The following GRM5 variants were observed in gnomAD, a reference collection of about 807,000 sequenced individuals.
GRM5 encodes the protein metabotropic glutamate receptor 5.
Under a neutral mutation model 83.1 loss-of-function variants are expected in GRM5, and 19 were observed. The ratio of observed to expected loss-of-function variants is 0.23; its 90% CI spans 0.16 to 0.34. The LOEUF is 0.34. GRM5 is among the 10% of genes least tolerant of loss of function. The probability of loss-of-function intolerance (pLI) is 1.00; values close to 1 mark genes in which losing one functional copy is unlikely to be tolerated. For missense variants in GRM5, 1,160 were observed against 1,588.3 expected (o/e 0.73, Z 4.58); for synonymous variants, 675 against 633.6 (o/e 1.07, Z -0.98).
intron 3 of GRM5, among the ~76,000 whole-genome samples, chr11:88,843,368 G>A (rs781513520): frequency 1.3e-5 from 2 of 151,192 alleles, no homozygotes; most frequent in African/African-American, 2.4e-5. Context: ...ATCAAATCAG[G>A]GTAATAAACG....
At chr11:88,648,959 AG>A (rs1454078900) in intron 4 of GRM5, among the ~76,000 whole-genome samples, 1,281 of 150,500 alleles carry the variant, frequency 8.5e-3, no homozygotes, top group African/African-American at 0.029. Flanking sequence ...TTTATTCTAC[AG>A]GCTTAAGGAG....
intron 3 of GRM5, among the ~76,000 whole-genome samples, chr11:88,711,738 A>G (rs1941285278): frequency 6.6e-6 from 1 of 152,114 alleles, no homozygotes; most frequent in African/African-American, 2.4e-5. Context: ...AGTAGGCACT[A>G]CAAAAATGCT....
intron 2 of GRM5, among the ~76,000 whole-genome samples, chr11:88,877,829 G>GAAA (rs60787581): frequency 0.28 from 38,118 of 136,648 alleles, 5,738 homozygotes; most frequent in Non-Finnish European, 0.33. Flanking sequence ...CTCTGTGGAA[G>GAAA]AAAAAAAAAA....
intron 3 of GRM5, among the ~76,000 whole-genome samples, chr11:88,715,309 T>C (rs1190396761): frequency 6.6e-6 from 1 of 152,012 alleles, no homozygotes; most frequent in African/African-American, 2.4e-5. Context: ...AGAGAGACTT[T>C]GGGCTAAGGC....
At chr11:88,703,598 G>A (rs1237952196) in intron 3 of GRM5, among the ~76,000 whole-genome samples, 1 of 152,054 alleles carries the variant, frequency 6.6e-6, no homozygotes, top group African/African-American at 2.4e-5. Flanking sequence ...CATGTCATGA[G>A]AGGGACCCGG....
At chr11:88,841,371 C>G (rs1032282201) in intron 3 of GRM5, among the ~76,000 whole-genome samples, 4 of 152,162 alleles carry the variant, frequency 2.6e-5, no homozygotes, top group African/African-American at 9.7e-5. Context: ...TTTGCTAACA[C>G]TAAATTCTCC....
intron 3 of GRM5, among the ~76,000 whole-genome samples, chr11:88,806,733 A>C (rs1270632243): frequency 6.6e-6 from 1 of 152,170 alleles, no homozygotes; most frequent in Non-Finnish European, 1.5e-5. Context: ...TCATCCTGGG[A>C]ATCATGTGGG....
rs553898597 is a variant in GRM5, at chr11:89,056,174, A to T, written c.-200-8102T>A. On this transcript the variant is annotated intron_variant, in intron 1 of 9. Coordinates refer to ENST00000305447, the MANE Select transcript of GRM5 (RefSeq NM_001143831.3). ...ATCTTTGTAGCACAATTATTTAAAG[A>T]TGATATTTCTGGCATAAATGTTTCT... Among the ~76,000 whole-genome samples, 42 of 152,030 alleles carry T rather than the reference A, an allele frequency of 2.8e-4. 1 individual carries two copies. In the South Asian group the frequency reaches 4.8e-3, roughly 17 times the overall value.
At chr11:88,870,141 G>A (rs1311381180) in intron 2 of GRM5, among the ~76,000 whole-genome samples, 1 of 151,412 alleles carries the variant, frequency 6.6e-6, no homozygotes, top group Non-Finnish European at 1.5e-5. Flanking sequence ...AGGGAGTGGA[G>A]TGACAGATAT....
intron 3 of GRM5, among the ~76,000 whole-genome samples, chr11:88,831,060 T>C (rs12292513): frequency 0.025 from 3,866 of 151,974 alleles, 172 homozygotes; most frequent in African/African-American, 0.089. Context: ...AGATGAGTTC[T>C]GAGTGGGGAC....
At chr11:88,897,657 G>T (rs557102989) in intron 2 of GRM5, among the ~76,000 whole-genome samples, 5 of 151,782 alleles carry the variant, frequency 3.3e-5, no homozygotes, top group Non-Finnish European at 5.9e-5. Context: ...GGTCAGAGAT[G>T]ATGTCAAACA....
rs1051420048 is a variant in GRM5, at chr11:89,027,330, G to A, written c.661+19882C>T. On this transcript the variant is annotated intron_variant, in intron 2 of 9. Coordinates refer to ENST00000305447, the MANE Select transcript of GRM5 (RefSeq NM_001143831.3). ...AGGGTGGTCTCAATCTCTTGACCTC[G>A]TGATCCACACTCCTCAGACTCCCAA... Among the ~76,000 whole-genome samples the A allele has an allele frequency of 5.3e-5, 8 of 151,982 alleles. No homozygotes were observed. The East Asian group carries it at 5.8e-4, about 11-fold the overall frequency.
At chr11:89,019,354 C>T (rs557265979) in intron 2 of GRM5, among the ~76,000 whole-genome samples, 1 of 152,170 alleles carries the variant, frequency 6.6e-6, no homozygotes, top group South Asian at 2.1e-4. Flanking sequence ...GCTTTTTCCA[C>T]CATTCCATAC....
rs575186911 is a variant in GRM5, at chr11:88,599,406, C to T, written c.1395-2054G>A. Reference sequence around the variant, plus strand: ...ATTGTTTCTTAATACAAGGCAAACACAAAGATATTATCACTCACAGCTTAA... The same window carrying T: ...ATTGTTTCTTAATACAAGGCAAACATAAAGATATTATCACTCACAGCTTAA... On this transcript the variant is annotated intron_variant, in intron 5 of 9. Transcript: ENST00000305447. 3.9e-5 allele frequency among the ~76,000 whole-genome samples: 6 copies of T among 152,238 alleles called. No homozygotes were observed. In the South Asian group the frequency reaches 8.3e-4, roughly 21 times the overall value.
intron 3 of GRM5, among the ~76,000 whole-genome samples, chr11:88,698,547 G>GTAGT (rs1328583957): frequency 6.6e-6 from 1 of 152,164 alleles, no homozygotes; most frequent in African/African-American, 2.4e-5. Context: ...CAAGAAGAGA[G>GTAGT]TAGTTATTGG....
chr11:88,846,657 T>C (rs1410481227), intron 3 of GRM5, among the ~76,000 whole-genome samples: 1 of 152,060 alleles, frequency 6.6e-6, no homozygotes, highest in East Asian at 1.9e-4. Context: ...GTGGACCTTC[T>C]AGTAGGCTCT....
intron 6 of GRM5, among the ~76,000 whole-genome samples, chr11:88,595,612 T>C (rs985912975): frequency 6.6e-6 from 1 of 152,254 alleles, no homozygotes; most frequent in East Asian, 1.9e-4. Flanking sequence ...AGTATTCTAT[T>C]ATGTAGATAA....
intron 2 of GRM5, among the ~76,000 whole-genome samples, chr11:88,997,153 C>T (rs1462903136): frequency 6.6e-6 from 1 of 151,504 alleles, no homozygotes; most frequent in Admixed American, 6.6e-5. Flanking sequence ...GGAGAAACCC[C>T]AGCTCTACTA....
intron 2 of GRM5, among the ~76,000 whole-genome samples, chr11:88,977,334 T>C (rs1307490288): frequency 6.6e-6 from 1 of 152,036 alleles, no homozygotes; most frequent in Admixed American, 6.6e-5. Flanking sequence ...TGCTTCAGCC[T>C]CCTGAGCAGC....
Sources: allele counts gnomAD v4.1 joint callset (sites outside exome capture counted in the v4.1 genomes callset), GRCh38; gene constraint gnomAD v4.1.1; transcripts MANE v1.5; gene names NCBI Gene and HGNC (gene_info 2026-07-23, HGNC 2026-07-21).